HTR7: variants seen among roughly 807,000 people sequenced by gnomAD.
HTR7 encodes 5-hydroxytryptamine receptor 7, also known as 5-HT-7.
Under a neutral mutation model 34.0 loss-of-function variants are expected in HTR7, and 16 were observed. The observed-to-expected ratio is 0.47, with a 90% CI of 0.32 to 0.71. The LOEUF (loss-of-function observed/expected upper bound fraction) is 0.71. HTR7 is among the 30% of genes least tolerant of loss of function. The probability of loss-of-function intolerance (pLI) is 0.04; values close to 1 mark genes in which losing one functional copy is unlikely to be tolerated. For missense variants in HTR7, 504 were observed against 625.5 expected (o/e 0.81, Z 2.07); for synonymous variants, 265 against 260.2 (o/e 1.02, Z -0.18).
In HTR7 at chr10:90,858,012, G is replaced by A. The variant is rs974173950; in HGVS notation, c.-341C>T. Among the ~76,000 whole-genome samples, 9 of 148,958 alleles carry A rather than the reference G, an allele frequency of 6.0e-5. No individual in the cohort carries two copies. The highest frequency in any genetic ancestry group is 2.2e-4 in the African/African-American group (9 of 40,368). On this transcript the variant is annotated 5_prime_UTR_variant, in exon 1 of 4. Transcript: ENST00000336152. ...AGCTCGGCTGCGCCGAGAGCGCCCG[G>A]GCGGCAGCGGCAGAAGTTGCGGAGT...
chr10:90,744,045 T>C, intron 2 of HTR7: 1 of 410,194 alleles, frequency 2.4e-6, no homozygotes, highest in Non-Finnish European at 4.8e-6. Context: ...TGTAGGAGAA[T>C]ACGTAGAGCC....
At chr10:90,757,794 GA>G (rs940153957) in intron 1 of HTR7, among the ~76,000 whole-genome samples, 1 of 152,096 alleles carries the variant, frequency 6.6e-6, no homozygotes, top group African/African-American at 2.4e-5. Flanking sequence ...AAAAAAGAAA[GA>G]AAGAGAACAT....
At chr10:90,849,164 T>C (rs544682140) in intron 1 of HTR7, among the ~76,000 whole-genome samples, 17 of 152,358 alleles carry the variant, frequency 1.1e-4, no homozygotes, top group African/African-American at 3.8e-4. Flanking sequence ...TGGACAAGCA[T>C]CTTTCTGATA....
Position 90,852,296 on chromosome 10 carries a change from G to A in HTR7, c.539+4837C>T, listed in dbSNP as rs905315896. Among the ~76,000 whole-genome samples the A allele has an allele frequency of 5.3e-5, 8 of 152,022 alleles. No individual in the cohort carries two copies. In the East Asian group the frequency reaches 1.5e-3, roughly 29 times the overall value. On this transcript the variant is annotated intron_variant, in intron 1 of 3. Coordinates refer to ENST00000336152, the MANE Select transcript of HTR7 (RefSeq NM_019859.4). ...TGATCTCAGATGAAAATGTAGTAATGCAGAACAAAACAAAGAACAATGGAA... is the reference window on the plus strand; with the variant it reads ...TGATCTCAGATGAAAATGTAGTAATACAGAACAAAACAAAGAACAATGGAA...
chr10:90,857,480 C>T lies in HTR7; in HGVS notation c.192G>A (p.Pro64=), dbSNP rs779543992. ...GTTCCCCACAGCCGGAGGCATTGTC[C>T]GGGGGCGCGTCCCAGGTGGGCGCCG... ...ASPAPTWDAP[P]DNASGCGEQI... The change falls in exon 1 of 4, where the codon CCG becomes CCA. Residue 64 remains proline, a synonymous_variant. Coordinates refer to ENST00000336152, the MANE Select transcript of HTR7 (RefSeq NM_019859.4). This position sits in a 1 kb window ranked among gnomAD's most constrained non-coding sequence, Gnocchi z 6.5. 3.7e-6 allele frequency: 6 copies of T among 1,613,546 alleles called. No individual in the cohort carries two copies. The Admixed American group carries it at 8.3e-5, about 22-fold the overall frequency.
At chr10:90,811,840 C>T (rs1259160252) in intron 1 of HTR7, among the ~76,000 whole-genome samples, 5 of 152,154 alleles carry the variant, frequency 3.3e-5, no homozygotes, top group Non-Finnish European at 7.4e-5. Context: ...GAGAAGGCCA[C>T]CGTAGTCATT....
At chr10:90,804,579 G>C (rs953621340) in intron 1 of HTR7, among the ~76,000 whole-genome samples, 1 of 151,972 alleles carries the variant, frequency 6.6e-6, no homozygotes, top group Non-Finnish European at 1.5e-5. Context: ...TGAGCAAAAC[G>C]AGCCACCACC....
At position 90,765,934 on chromosome 10, in the gene HTR7, C is replaced by T. The variant is rs543462752; in HGVS notation, c.540-16340G>A. Among the ~76,000 whole-genome samples the T allele has an allele frequency of 1.6e-4, 25 of 152,214 alleles. 1 individual carries two copies. The South Asian group carries it at 5.2e-3, about 32-fold the overall frequency. On this transcript the variant is annotated intron_variant, in intron 1 of 3. Transcript: ENST00000336152. ...GAATTTGTGAAGCATATTTTGTGGCCTAACATATGATCTATCCTGGAAAAT... is the reference window on the plus strand; with the variant it reads ...GAATTTGTGAAGCATATTTTGTGGCTTAACATATGATCTATCCTGGAAAAT...
chr10:90,854,299 A>G (rs1846546738), intron 1 of HTR7, among the ~76,000 whole-genome samples: 1 of 152,206 alleles, frequency 6.6e-6, no homozygotes, highest in Non-Finnish European at 1.5e-5. Flanking sequence ...GGGTGCAGTG[A>G]GCAGAGATGG....
At chr10:90,847,343 T>C (rs1188079940) in intron 1 of HTR7, among the ~76,000 whole-genome samples, 2 of 150,346 alleles carry the variant, frequency 1.3e-5, no homozygotes, top group Admixed American at 6.6e-5. Context: ...TTAGTTAACA[T>C]GAGAGGAAAA....
chr10:90,857,753 C>G lies in HTR7; in HGVS notation c.-82G>C, dbSNP rs1323093050. On this transcript the variant is annotated 5_prime_UTR_variant, in exon 1 of 4. Coordinates refer to ENST00000336152, the MANE Select transcript of HTR7 (RefSeq NM_019859.4). This position sits in a 1 kb window ranked among gnomAD's most constrained non-coding sequence, Gnocchi z 6.5. The stretch of plus-strand genomic sequence containing the variant: ...TGCCGGCCCCGGGGCTTCACCTCAC[C>G]GGTTCCGCTCCGCCCGGCCCAGCCA... 7.6e-7 allele frequency: 1 copy of G among 1,315,644 alleles called. No individual in the cohort carries two copies. The highest frequency in any genetic ancestry group is 3.1e-5 in the East Asian group (1 of 32,526). The allele number at this position is 1,315,644 out of a possible 1,614,324, so 81.5% of individuals were successfully genotyped here. A position where few individuals can be genotyped will look rare whatever the true frequency, so the allele number is the denominator to read the frequency against.
At chr10:90,842,147 T>TC (rs1846338737) in intron 1 of HTR7, among the ~76,000 whole-genome samples, 1 of 152,212 alleles carries the variant, frequency 6.6e-6, no homozygotes, top group African/African-American at 2.4e-5. Context: ...GGTGATTAAG[T>TC]CATGAGGTTA....
intron 1 of HTR7, among the ~76,000 whole-genome samples, chr10:90,772,392 TA>T (rs974668585): frequency 4.6e-5 from 7 of 152,168 alleles, no homozygotes; most frequent in Non-Finnish European, 1.0e-4. Flanking sequence ...TTCTAGGAAA[TA>T]AAAAATTTAT....
intron 1 of HTR7, among the ~76,000 whole-genome samples, chr10:90,759,047 C>A (rs569158037): frequency 5.1e-4 from 78 of 152,040 alleles, no homozygotes; most frequent in African/African-American, 1.6e-3. Flanking sequence ...ATTAGCTGGG[C>A]GTGGTGGCAC....
chr10:90,833,724 G>C (rs930287111), intron 1 of HTR7, among the ~76,000 whole-genome samples: 9 of 152,112 alleles, frequency 5.9e-5, no homozygotes, highest in Non-Finnish European at 1.5e-5. Context: ...ATGGATTTTA[G>C]TGAAGAGACA....
chr10:90,811,778 A>C (rs1845814239), intron 1 of HTR7, among the ~76,000 whole-genome samples: 1 of 152,078 alleles, frequency 6.6e-6, no homozygotes, highest in Non-Finnish European at 1.5e-5. Context: ...AATACCTCTT[A>C]TTCTAAGTAG....
chr10:90,749,552 C>T lies in HTR7; in HGVS notation c.582G>A (p.Gln194=). The change falls in exon 2 of 4, where the codon CAG becomes CAA. Residue 194 remains glutamine (Q), a synonymous_variant. Coordinates refer to ENST00000336152, the MANE Select transcript of HTR7 (RefSeq NM_019859.4). This position sits in a 1 kb window ranked among gnomAD's most constrained non-coding sequence, Gnocchi z 4.2. ...ITRPLTYPVR[Q]NGKCMAKMIL... The stretch of plus-strand genomic sequence containing the variant: ...TCATCTTCGCCATGCATTTCCCATT[C>T]TGCCTCACAGGGTATGTGAGGGGCC... 2.5e-6 allele frequency: 4 copies of T among 1,613,876 alleles called. No homozygotes were observed. Among genetic ancestry groups the T allele is most frequent in the Non-Finnish European group, 3.4e-6 (4 of 1,179,872 alleles).
chr10:90,848,654 G>C (rs1846449272), intron 1 of HTR7, among the ~76,000 whole-genome samples: 1 of 152,098 alleles, frequency 6.6e-6, no homozygotes, highest in Non-Finnish European at 1.5e-5. Context: ...TGTTGAAGAT[G>C]GATGATGGAT....
intron 1 of HTR7, among the ~76,000 whole-genome samples, chr10:90,803,003 T>TC (rs1845653176): frequency 6.7e-6 from 1 of 148,638 alleles, no homozygotes; most frequent in Non-Finnish European, 1.5e-5. Context: ...GGCCTTTTTT[T>TC]TTTTTTTTTT....
Sources: gnomAD v4.1 joint callset for allele counts (sites outside exome capture counted in the v4.1 genomes callset) on GRCh38, gnomAD v4.1.1 for gene constraint, Gnocchi (gnomAD v3.1) non-coding constraint, MANE v1.5 for transcripts, NCBI Gene and HGNC (gene_info 2026-07-23, HGNC 2026-07-21) for gene names.